ANO5: variants seen among roughly 807,000 people sequenced by gnomAD.
ANO5 encodes anoctamin-5.
A neutral mutation model predicts 121.0 loss-of-function variants in ANO5; 109 were observed. The ratio of observed to expected loss-of-function variants is 0.90; its 90% confidence interval spans 0.77 to 1.06. ANO5 has a LOEUF of 1.06. Ranked by LOEUF, ANO5 falls within the 50% of genes least tolerant of loss-of-function variation. The probability of loss-of-function intolerance (pLI) is 0.00; values close to 1 mark genes in which losing one functional copy is unlikely to be tolerated. For missense variants in ANO5, 1,064 were observed against 1,078.5 expected, an observed-to-expected ratio of 0.99 and a Z score of 0.19; for synonymous variants, 406 against 359.9, an observed-to-expected ratio of 1.13 and a Z score of -1.45.
intron 3 of ANO5, among the ~76,000 whole-genome samples, 170 bp from the exon 4 acceptor site, chr11:22,218,072 CTTCT>C (rs1380353084): frequency 1.4e-5 from 1 of 73,072 alleles, no homozygotes; most frequent in African/African-American, 3.4e-5. Flanking sequence ...TCCCATTTTT[CTTCT>C]TTTTTTCCTT....
intron 3 of ANO5, among the ~76,000 whole-genome samples, chr11:22,211,958 A>C (rs1852291194): frequency 6.7e-6 from 1 of 149,940 alleles, no homozygotes; most frequent in Admixed American, 6.7e-5. Flanking sequence ...AATTAAAACA[A>C]TTGAAATGTT....
At chr11:22,247,519 G>GA (rs1216416693) in intron 9 of ANO5, among the ~76,000 whole-genome samples, 2 of 152,188 alleles carry the variant, frequency 1.3e-5, no homozygotes, top group South Asian at 2.1e-4. Context: ...CTATGAATTA[G>GA]AAAAAATATT....
intron 17 of ANO5, among the ~76,000 whole-genome samples, chr11:22,265,218 G>T (rs1243184615): frequency 1.3e-5 from 2 of 152,024 alleles, no homozygotes; most frequent in African/African-American, 4.8e-5. Context: ...AATCTTAGAT[G>T]AAAAAGATTA....
chr11:22,202,325 T>C (rs1283377832), intron 1 of ANO5, among the ~76,000 whole-genome samples: 1 of 152,148 alleles, frequency 6.6e-6, no homozygotes, highest in Non-Finnish European at 1.5e-5. Flanking sequence ...GTTGAATTTC[T>C]GTCAAGTATA....
At position 22,193,193 on chromosome 11, in the gene ANO5, T is replaced by C. The variant is rs1376237341; in HGVS notation, c.-300T>C. The C allele has an allele frequency of 3.2e-6, 4 of 1,267,468 alleles. No individual in the cohort carries two copies. In the African/African-American group the frequency reaches 4.6e-5, roughly 15 times the overall value. 78.5% of individuals were successfully genotyped at this position (1,267,468 alleles called of 1,614,324 possible). ...GTACTGGGAGAGCGCCCAGGAGCGC[T>C]ACCGGCTGAGGGTGGGGAAGCGCAG... On this transcript the variant is annotated 5_prime_UTR_variant, in exon 1 of 22. Coordinates refer to ENST00000324559, the MANE Select transcript of ANO5 (RefSeq NM_213599.3).
intron 5 of ANO5, among the ~76,000 whole-genome samples, chr11:22,221,497 G>A (rs911602765): frequency 6.6e-6 from 1 of 151,878 alleles, no homozygotes; most frequent in African/African-American, 2.4e-5. Flanking sequence ...AAAATTTGAG[G>A]TATGTGTCTG....
At chr11:22,215,841 C>G (rs1346129707) in intron 3 of ANO5, among the ~76,000 whole-genome samples, 5 of 151,786 alleles carry the variant, frequency 3.3e-5, no homozygotes, top group Admixed American at 2.0e-4. Flanking sequence ...ATTCTAGCAA[C>G]CGCTGATTTG....
chr11:22,207,453 T>G (rs1852153405), intron 2 of ANO5, among the ~76,000 whole-genome samples: 1 of 152,140 alleles, frequency 6.6e-6, no homozygotes, highest in South Asian at 2.1e-4. Flanking sequence ...ACAAACAGGC[T>G]GGAGCATTTG....
intron 21 of ANO5, among the ~76,000 whole-genome samples, chr11:22,277,209 A>AG (rs761744006): frequency 6.6e-5 from 10 of 151,612 alleles, no homozygotes; most frequent in African/African-American, 2.4e-4. Context: ...AGAAAGAGAG[A>AG]GGGGGAAAAA....
At chr11:22,219,749 A>C (rs1852580198) in intron 4 of ANO5, among the ~76,000 whole-genome samples, 1 of 151,940 alleles carries the variant, frequency 6.6e-6, no homozygotes, top group Non-Finnish European at 1.5e-5. Flanking sequence ...GTATAGTGTG[A>C]TAGCAGTTTG....
intron 7 of ANO5, among the ~76,000 whole-genome samples, chr11:22,233,629 G>A (rs1355852394): frequency 6.6e-6 from 1 of 152,010 alleles, no homozygotes; most frequent in African/African-American, 2.4e-5. Context: ...GCCAAATCAG[G>A]ACTGAAAGGT....
chr11:22,243,841 T>A (rs1853518547), intron 9 of ANO5, among the ~76,000 whole-genome samples: 1 of 152,210 alleles, frequency 6.6e-6, no homozygotes, highest in South Asian at 2.1e-4. Context: ...TCTGTCTTAT[T>A]TATTCTTTTG....
chr11:22,235,986 C>G (rs1853202746), intron 7 of ANO5, among the ~76,000 whole-genome samples, 177 bp from the exon 8 acceptor site: 1 of 152,106 alleles, frequency 6.6e-6, no homozygotes, highest in Non-Finnish European at 1.5e-5. Context: ...GCTAAAATAT[C>G]TGCAAACTCC....
At chr11:22,232,518 C>A (rs1450168692) in intron 7 of ANO5, among the ~76,000 whole-genome samples, 1 of 151,224 alleles carries the variant, frequency 6.6e-6, no homozygotes, top group African/African-American at 2.4e-5. Context: ...TTGAATATAC[C>A]CCACTTTCTC....
intron 9 of ANO5, among the ~76,000 whole-genome samples, chr11:22,241,860 T>C (rs140798192): frequency 1.1e-3 from 171 of 152,238 alleles, no homozygotes; most frequent in African/African-American, 3.9e-3. Flanking sequence ...ATTGATACTT[T>C]CTTTTGCTGT....
chr11:22,221,086 G>A lies in ANO5; in HGVS notation c.181-11G>A. The A allele has an allele frequency of 6.4e-7, 1 of 1,559,502 alleles. No individual in the cohort carries two copies. The highest frequency in any genetic ancestry group is 8.8e-7 in the Non-Finnish European group (1 of 1,131,676). On this transcript the variant is annotated splice_polypyrimidine_tract_variant and intron_variant, in intron 4 of 21. Transcript: ENST00000324559. The stretch of plus-strand genomic sequence containing the variant: ...TATAATTTACAATTGTGTCATTTAT[G>A]TCTCCTGCAGTTTCAAAAAAATCAG...
chr11:22,218,677 C>G (rs1000971337), intron 4 of ANO5, among the ~76,000 whole-genome samples: 6 of 152,060 alleles, frequency 3.9e-5, no homozygotes, highest in African/African-American at 1.4e-4. Context: ...CCTCCCACCT[C>G]AGCCTTCTGA....
chr11:22,267,975 G>A (rs4500488), intron 17 of ANO5, among the ~76,000 whole-genome samples: 57,664 of 152,024 alleles, frequency 0.38, 13,044 homozygotes, highest in Middle Eastern at 0.53. Flanking sequence ...ATTCCATGGT[G>A]TATGTGTACC....
At chr11:22,213,454 T>A (rs2133560169) in intron 3 of ANO5, among the ~76,000 whole-genome samples, 1 of 151,588 alleles carries the variant, frequency 6.6e-6, no homozygotes, top group African/African-American at 2.4e-5. Flanking sequence ...TTTTTTTTTA[T>A]GATTAGACTT....
Sources: gnomAD v4.1 joint callset for allele counts (sites outside exome capture counted in the v4.1 genomes callset) on GRCh38, gnomAD v4.1.1 for gene constraint, MANE v1.5 for transcripts, NCBI Gene and HGNC (gene_info 2026-07-23, HGNC 2026-07-21) for gene names.